Variants in TRPM3 observed in about 807,000 individuals in gnomAD.
TRPM3 encodes transient receptor potential cation channel subfamily M member 3.
TRPM3 carries 77 observed loss-of-function variants against 181.2 expected under a neutral mutation model. The observed-to-expected ratio is 0.42, with a 90% confidence interval of 0.35 to 0.51. TRPM3 has a LOEUF of 0.51. TRPM3 is among the 20% of genes least tolerant of loss of function. The pLI, the probability that TRPM3 is intolerant of heterozygous loss-of-function variation, is 0.01. For synonymous variants in TRPM3, 745 were observed against 796.4 expected (o/e 0.94, Z 1.09); for missense variants, 1,759 against 2,196.7 (o/e 0.80, Z 3.98).
chr9:71,195,702 C>G (rs1346066818), intron 1 of TRPM3, among the ~76,000 whole-genome samples: 1 of 152,042 alleles, frequency 6.6e-6, no homozygotes, highest in African/African-American at 2.4e-5. Context: ...GATATAGTAT[C>G]AACCTAAACG....
intron 1 of TRPM3, among the ~76,000 whole-genome samples, chr9:71,384,773 A>AC (rs2132897288): frequency 6.6e-6 from 1 of 152,306 alleles, no homozygotes; most frequent in East Asian, 1.9e-4. Flanking sequence ...ACACCATATT[A>AC]AGAATAATTT....
chr9:71,421,250 A>G (rs2093768561), intron 1 of TRPM3, among the ~76,000 whole-genome samples: 1 of 151,826 alleles, frequency 6.6e-6, no homozygotes, highest in African/African-American at 2.4e-5. Flanking sequence ...TTTAAAAACT[A>G]TGGGTGCTAT....
intron 22 of TRPM3, among the ~76,000 whole-genome samples, chr9:70,587,563 T>C (rs1484366416): frequency 6.6e-6 from 1 of 152,218 alleles, no homozygotes; most frequent in Non-Finnish European, 1.5e-5. Flanking sequence ...GCTCCGGCCT[T>C]GGCATGAAAT....
At chr9:71,446,749 C>G (rs1395101625) in exon 1 of TRPM3, 9 of 1,550,454 alleles carry the variant, frequency 5.8e-6, no homozygotes, top group Non-Finnish European at 7.8e-6. Flanking sequence ...GGCTGGCGCT[C>G]CGGCTGCGTC....
intron 1 of TRPM3, among the ~76,000 whole-genome samples, chr9:71,146,038 A>G (rs2075386472): frequency 6.6e-6 from 1 of 152,210 alleles, no homozygotes; most frequent in Non-Finnish European, 1.5e-5. Flanking sequence ...TTGTTCTTTT[A>G]GGCATATTTC....
At chr9:71,195,268 G>A (rs1355104755) in intron 1 of TRPM3, among the ~76,000 whole-genome samples, 1 of 151,970 alleles carries the variant, frequency 6.6e-6, no homozygotes, top group East Asian at 1.9e-4. Context: ...ATCTGACAAA[G>A]GTCTAATATC....
intron 1 of TRPM3, among the ~76,000 whole-genome samples, chr9:71,283,332 C>T (rs1449074626): frequency 6.6e-6 from 1 of 152,214 alleles, no homozygotes; most frequent in Non-Finnish European, 1.5e-5. Context: ...GACAGAGTTT[C>T]GCTCTGTTGC....
intron 1 of TRPM3, among the ~76,000 whole-genome samples, chr9:71,407,156 T>C (rs899860530): frequency 4.6e-5 from 7 of 152,172 alleles, no homozygotes; most frequent in Non-Finnish European, 1.0e-4. Context: ...GCTCCCAGCA[T>C]GAGCGACACA....
chr9:70,689,504 C>CCAT (rs1191400303), intron 8 of TRPM3, among the ~76,000 whole-genome samples: 1 of 131,462 alleles, frequency 7.6e-6, no homozygotes, highest in Non-Finnish European at 1.6e-5. Context: ...ACTACAGTAA[C>CCAT]CATCACTAAA....
At chr9:70,599,563 T>G (rs1182347686) in intron 20 of TRPM3, among the ~76,000 whole-genome samples, 3 of 152,224 alleles carry the variant, frequency 2.0e-5, no homozygotes, top group Non-Finnish European at 4.4e-5. Flanking sequence ...GCAGCCATAC[T>G]GGTCATCTCT....
chr9:70,767,335 T>C (rs1454759972), intron 7 of TRPM3, among the ~76,000 whole-genome samples: 1 of 152,194 alleles, frequency 6.6e-6, no homozygotes, highest in Non-Finnish European at 1.5e-5. Context: ...CATTCATTCA[T>C]TCATTCAACA....
chr9:71,193,006 A>G (rs1047570281), intron 1 of TRPM3, among the ~76,000 whole-genome samples: 2 of 151,932 alleles, frequency 1.3e-5, no homozygotes, highest in Non-Finnish European at 2.9e-5. Context: ...TGAATTGTGT[A>G]TATATGGTGT....
chr9:70,548,674 T>G (rs1476938486), intron 25 of TRPM3, among the ~76,000 whole-genome samples: 1 of 152,378 alleles, frequency 6.6e-6, no homozygotes, highest in East Asian at 1.9e-4. Context: ...TTTCGTAATA[T>G]TCTGGGTGTT....
chr9:70,598,349 T>C, intron 21 of TRPM3, 70 bp downstream of exon 21: 1 of 1,563,052 alleles, frequency 6.4e-7, no homozygotes, highest in Middle Eastern at 2.0e-4. Context: ...AAATGAATTA[T>C]TTCCCTCTAT....
In TRPM3 at chr9:70,770,282, T is replaced by A. The variant is rs117822397; in HGVS notation, c.1149-8558A>T. Among the ~76,000 whole-genome samples the A allele has an allele frequency of 7.7e-3, 1,166 of 152,296 alleles. 9 individuals are homozygous for A. The highest frequency in any genetic ancestry group is 0.01 in the Admixed American group (156 of 15,294). ...ATACTACCTCATCCCTCCTTTGAATTGCTTTGTAGCTCTTGTCAGGAACAG... is the reference window on the plus strand; with the variant it reads ...ATACTACCTCATCCCTCCTTTGAATAGCTTTGTAGCTCTTGTCAGGAACAG... On this transcript the variant is annotated intron_variant, in intron 7 of 25. Coordinates refer to ENST00000677713, the MANE Select transcript of TRPM3 (RefSeq NM_001366145.2).
intron 7 of TRPM3, among the ~76,000 whole-genome samples, chr9:70,781,930 A>G (rs185526432): frequency 4.4e-4 from 67 of 152,192 alleles, no homozygotes; most frequent in Non-Finnish European, 7.2e-4. Context: ...TTCATTGTGT[A>G]TACACCTGAG....
At chr9:70,916,709 T>C (rs1239646657) in intron 1 of TRPM3, among the ~76,000 whole-genome samples, 1 of 152,230 alleles carries the variant, frequency 6.6e-6, no homozygotes, top group Non-Finnish European at 1.5e-5. Flanking sequence ...GTGCTTAGAC[T>C]TTCTAAAGAA....
At chr9:71,293,695 G>A (rs2086018359) in intron 1 of TRPM3, among the ~76,000 whole-genome samples, 1 of 151,766 alleles carries the variant, frequency 6.6e-6, no homozygotes, top group African/African-American at 2.4e-5. Flanking sequence ...AAATCCCAAG[G>A]ATGTTTCAAA....
At chr9:70,936,131 G>C (rs2096826648) in intron 1 of TRPM3, among the ~76,000 whole-genome samples, 1 of 152,170 alleles carries the variant, frequency 6.6e-6, no homozygotes, top group Non-Finnish European at 1.5e-5. Context: ...ATAATTTACT[G>C]TCTTCAGCCT....
Sources: allele counts gnomAD v4.1 joint callset (sites outside exome capture counted in the v4.1 genomes callset), GRCh38; gene constraint gnomAD v4.1.1; transcripts MANE v1.5; gene names NCBI Gene and HGNC (gene_info 2026-07-23, HGNC 2026-07-21).